The following PRKN variants were observed in gnomAD, a reference collection of about 807,000 sequenced individuals.
PRKN encodes the protein parkin RBR E3 ubiquitin protein ligase.
In PRKN, 56 loss-of-function variants were observed where a neutral mutation model predicts 59.5. The observed-to-expected ratio is 0.94, with a 90% CI of 0.76 to 1.18. The LOEUF is 1.18. Ranked by LOEUF, PRKN falls within the 50% of genes most tolerant of loss-of-function variation. The probability of loss-of-function intolerance (pLI) is 0.00; values close to 1 mark genes in which losing one functional copy is unlikely to be tolerated. For synonymous variants in PRKN, 250 were observed against 222.1 expected (o/e 1.13, Z -1.12); for missense variants, 657 against 596.4 (o/e 1.10, Z -1.06).
chr6:162,291,427 C>T (rs1259111561), intron 2 of PRKN, among the ~76,000 whole-genome samples: 1 of 152,026 alleles, frequency 6.6e-6, no homozygotes, highest in Admixed American at 6.6e-5. Context: ...GAAGGGACAT[C>T]GCAGGAATCA....
At chr6:161,962,853 T>C (rs1273733899) in intron 6 of PRKN, among the ~76,000 whole-genome samples, 6 of 150,848 alleles carry the variant, frequency 4.0e-5, no homozygotes, top group Admixed American at 4.0e-4. Context: ...TTTCTTAATA[T>C]CCACCAACAG....
At chr6:162,108,425 A>T (rs1401477449) in intron 4 of PRKN, among the ~76,000 whole-genome samples, 1 of 152,178 alleles carries the variant, frequency 6.6e-6, no homozygotes, top group Non-Finnish European at 1.5e-5. Flanking sequence ...TTTCATCTGA[A>T]CTAATTTTCA....
At chr6:161,812,380 G>A (rs1791600834) in intron 6 of PRKN, among the ~76,000 whole-genome samples, 3 of 152,200 alleles carry the variant, frequency 2.0e-5, no homozygotes, top group South Asian at 4.2e-4. Context: ...CAGAGCAAAA[G>A]CCTGTGTCCA....
intron 7 of PRKN, among the ~76,000 whole-genome samples, chr6:161,683,132 A>G (rs1378680056): frequency 1.3e-5 from 2 of 152,142 alleles, no homozygotes; most frequent in Non-Finnish European, 2.9e-5. Context: ...GAAATCTGAC[A>G]TCGTAGTAGA....
rs757869529 is a variant in PRKN at position 161,548,917 on chromosome 6, C to A, written c.1020G>T (p.Gly340=). Reference sequence around the variant, plus strand: ...TCCTCTGGTCAGGCTCCGGCAGCAGCCCCGCTCCACAGCCAGGGCGGGGGC... The same window carrying A: ...TCCTCTGGTCAGGCTCCGGCAGCAGACCCGCTCCACAGCCAGGGCGGGGGC... ...VLCPRPGCGA[G]LLPEPDQRKV... is the part of the protein sequence containing the mutation. Residue 340 remains glycine, a synonymous_variant, in exon 9 of 12, where the codon GGG becomes GGT. Coordinates refer to ENST00000366898, the MANE Select transcript of PRKN (RefSeq NM_004562.3). This position sits in a 1 kb window ranked among gnomAD's most constrained non-coding sequence, Gnocchi z 4.2. 1.2e-6 allele frequency: 2 copies of A among 1,614,076 alleles called. No homozygotes were observed. Among genetic ancestry groups the A allele is most frequent in the African/African-American group, 2.7e-5 (2 of 74,942 alleles).
intron 3 of PRKN, among the ~76,000 whole-genome samples, chr6:162,229,496 G>A (rs752846142): frequency 3.3e-5 from 5 of 152,138 alleles, no homozygotes; most frequent in Non-Finnish European, 7.3e-5. Flanking sequence ...AACAGAGGCT[G>A]GGCTTTTCTT....
intron 7 of PRKN, among the ~76,000 whole-genome samples, chr6:161,680,979 G>A (rs1487846300): frequency 6.6e-6 from 1 of 151,546 alleles, no homozygotes; most frequent in Non-Finnish European, 1.5e-5. Context: ...TTTATTTTTT[G>A]AGACAGAGTC....
chr6:162,164,403 T>C (rs907393544), intron 4 of PRKN, among the ~76,000 whole-genome samples: 3 of 148,194 alleles, frequency 2.0e-5, no homozygotes, highest in Admixed American at 1.3e-4. Flanking sequence ...AGTGACGGTG[T>C]GTTTCACCAT....
intron 1 of PRKN, among the ~76,000 whole-genome samples, chr6:162,673,951 T>C (rs1428662286): frequency 6.6e-6 from 1 of 152,126 alleles, no homozygotes; most frequent in Non-Finnish European, 1.5e-5. Flanking sequence ...TCTGGAGAAA[T>C]CAATGACTTT....
chr6:162,303,004 A>T (rs1782035836), intron 2 of PRKN, among the ~76,000 whole-genome samples: 1 of 151,944 alleles, frequency 6.6e-6, no homozygotes, highest in Non-Finnish European at 1.5e-5. Context: ...ACACACAGAC[A>T]CACACACTTC....
chr6:162,491,967 G>A (rs568094277), intron 1 of PRKN, among the ~76,000 whole-genome samples: 15 of 152,192 alleles, frequency 9.9e-5, no homozygotes, highest in Non-Finnish European at 1.6e-4. Flanking sequence ...GTACCTCGGT[G>A]CCTCTGCTGT....
At chr6:162,446,097 C>T (rs548049936) in intron 1 of PRKN, among the ~76,000 whole-genome samples, 3 of 152,190 alleles carry the variant, frequency 2.0e-5, no homozygotes, top group Non-Finnish European at 2.9e-5. Flanking sequence ...TTTCATTTGA[C>T]GCCTTTGAAA....
At chr6:162,293,715 G>C (rs751106186) in intron 2 of PRKN, among the ~76,000 whole-genome samples, 12 of 152,210 alleles carry the variant, frequency 7.9e-5, no homozygotes, top group Non-Finnish European at 1.3e-4. Flanking sequence ...ACAGTGGGTG[G>C]ACCTGTACTC....
At chr6:162,649,424 T>C (rs1240449056) in intron 1 of PRKN, among the ~76,000 whole-genome samples, 1 of 152,112 alleles carries the variant, frequency 6.6e-6, no homozygotes, top group Non-Finnish European at 1.5e-5. Flanking sequence ...CCCAGAGCCA[T>C]CTCGACAAAC....
intron 1 of PRKN, among the ~76,000 whole-genome samples, chr6:162,723,444 G>A (rs1779010973): frequency 6.6e-6 from 1 of 152,174 alleles, no homozygotes; most frequent in South Asian, 2.1e-4. Flanking sequence ...CTTGTACACT[G>A]AAAGGCACTA....
intron 2 of PRKN, among the ~76,000 whole-genome samples, chr6:162,411,990 C>A (rs1450421521): frequency 6.6e-6 from 1 of 151,830 alleles, no homozygotes; most frequent in East Asian, 1.9e-4. Context: ...ATAAAGAAAA[C>A]CATAGTATTT....
At chr6:162,378,001 G>A (rs1046190107) in intron 2 of PRKN, among the ~76,000 whole-genome samples, 1 of 152,160 alleles carries the variant, frequency 6.6e-6, no homozygotes, top group Non-Finnish European at 1.5e-5. Context: ...CAGAGTGTGG[G>A]CATCGTTCAC....
In PRKN at chr6:161,391,104, G is replaced by C. The variant is rs568787531; in HGVS notation, c.1084-4227C>G. Among the ~76,000 whole-genome samples, 5 of 152,204 alleles carry C rather than the reference G, an allele frequency of 3.3e-5. No homozygotes were observed. The highest frequency in any genetic ancestry group is 1.2e-4 in the African/African-American group (5 of 41,516). ...TGGCATAGCTGTTTCTAGAGAAAAAGCTTGCCGGGGAAGAAAGCAGACCTA... is the reference window on the plus strand; with the variant it reads ...TGGCATAGCTGTTTCTAGAGAAAAACCTTGCCGGGGAAGAAAGCAGACCTA... On this transcript the variant is annotated intron_variant, in intron 9 of 11. Transcript: ENST00000366898. The surrounding 1 kb of genome is among the most constrained non-coding windows in gnomAD (Gnocchi z 4.9).
chr6:162,131,033 C>A (rs1781331738), intron 4 of PRKN, among the ~76,000 whole-genome samples: 1 of 152,126 alleles, frequency 6.6e-6, no homozygotes, highest in Non-Finnish European at 1.5e-5. Flanking sequence ...ATTTATATTT[C>A]ATTCACAATC....
Sources: allele counts gnomAD v4.1 joint callset (sites outside exome capture counted in the v4.1 genomes callset), GRCh38; gene constraint gnomAD v4.1.1; non-coding constraint Gnocchi (gnomAD v3.1); transcripts MANE v1.5; gene names NCBI Gene and HGNC (gene_info 2026-07-23, HGNC 2026-07-21).